Variants in PDE4D observed in about 807,000 individuals in gnomAD.
PDE4D encodes phosphodiesterase 4D, also known as 3',5'-cyclic-AMP phosphodiesterase 4D.
Under a neutral mutation model 87.4 loss-of-function variants are expected in PDE4D, and 24 were observed. The observed-to-expected ratio is 0.27, with a 90% CI of 0.20 to 0.39. The LOEUF (loss-of-function observed/expected upper bound fraction) is 0.39. PDE4D is among the 10% of genes least tolerant of loss of function. The probability of loss-of-function intolerance (pLI) is 1.00; values close to 1 mark genes in which losing one functional copy is unlikely to be tolerated. For synonymous variants in PDE4D, 384 were observed against 383.2 expected, an observed-to-expected ratio of 1.00 and a Z score of -0.02; for missense variants, 714 against 1,041.0, an observed-to-expected ratio of 0.69 and a Z score of 4.32.
At chr5:60,108,810 T>A (rs1355934565) in intron 2 of PDE4D, among the ~76,000 whole-genome samples, 2 of 152,118 alleles carry the variant, frequency 1.3e-5, no homozygotes, top group Non-Finnish European at 2.9e-5. Flanking sequence ...TAGCCCTATG[T>A]AGAAAGCTGA....
intron 1 of PDE4D, among the ~76,000 whole-genome samples, chr5:59,234,754 AG>A (rs1351299970): frequency 6.6e-6 from 1 of 152,200 alleles, no homozygotes; most frequent in Non-Finnish European, 1.5e-5. Flanking sequence ...GATAGATGTC[AG>A]TTTTTTAAAC....
Position 59,712,908 on chromosome 5 carries a change from T to G in PDE4D, c.455+180260A>C, listed in dbSNP as rs6883602. Among the ~76,000 whole-genome samples the G allele has an allele frequency of 6.9e-3, 1,057 of 152,226 alleles. 11 individuals are homozygous for G. Among genetic ancestry groups the G allele is most frequent in the East Asian group, 0.032 (165 of 5,168 alleles). On this transcript the variant is annotated intron_variant, in intron 1 of 14. Coordinates refer to ENST00000340635, the MANE Select transcript of PDE4D (RefSeq NM_001104631.2). ...ATAAGGTTGACAACTGTTTAAAGAA[T>G]TTTTGAGTGAATAGTCCAGTATAAA...
At chr5:60,353,762 T>C (rs1759384050) in intron 1 of PDE4D, among the ~76,000 whole-genome samples, 1 of 152,188 alleles carries the variant, frequency 6.6e-6, no homozygotes, top group African/African-American at 2.4e-5. Flanking sequence ...ATGTGTCATA[T>C]TAATATATTA....
At chr5:59,654,702 C>G (rs1296452856) in intron 1 of PDE4D, among the ~76,000 whole-genome samples, 2 of 151,478 alleles carry the variant, frequency 1.3e-5, no homozygotes, top group African/African-American at 4.9e-5. Context: ...TTTCAGTACA[C>G]CCCCCAAACC....
At chr5:59,093,950 T>A (rs1453570776) in intron 5 of PDE4D, among the ~76,000 whole-genome samples, 1 of 152,090 alleles carries the variant, frequency 6.6e-6, no homozygotes, top group Non-Finnish European at 1.5e-5. Context: ...CTGGGCATGT[T>A]GGCTCATGCC....
chr5:59,175,868 AG>A (rs1378502058), intron 5 of PDE4D, among the ~76,000 whole-genome samples: 9 of 147,200 alleles, frequency 6.1e-5, no homozygotes, highest in African/African-American at 2.3e-4. Flanking sequence ...GAGCTCAAGC[AG>A]TCCTCCCACC....
At chr5:59,971,255 C>T (rs1760723413) in intron 3 of PDE4D, among the ~76,000 whole-genome samples, 2 of 150,208 alleles carry the variant, frequency 1.3e-5, no homozygotes, top group South Asian at 4.2e-4. Flanking sequence ...ATACCTAATG[C>T]TAGATGACGA....
chr5:60,006,647 T>TA (rs1328305543), intron 2 of PDE4D, among the ~76,000 whole-genome samples: 7 of 151,980 alleles, frequency 4.6e-5, no homozygotes, highest in African/African-American at 1.7e-4. Context: ...ATAATGATGA[T>TA]ACAGGATATT....
chr5:59,969,856 A>T (rs1760503861), intron 3 of PDE4D, among the ~76,000 whole-genome samples: 1 of 152,182 alleles, frequency 6.6e-6, no homozygotes. Flanking sequence ...CTGTGAGTCA[A>T]TTAAACCTCT....
intron 1 of PDE4D, among the ~76,000 whole-genome samples, chr5:59,311,371 T>A (rs536031187): frequency 4.2e-4 from 63 of 151,668 alleles, no homozygotes; most frequent in African/African-American, 1.5e-3. Context: ...CTTGGTGGTA[T>A]GCATCTGTAG....
intron 1 of PDE4D, among the ~76,000 whole-genome samples, chr5:59,394,533 A>C (rs1788938316): frequency 6.6e-6 from 1 of 152,224 alleles, no homozygotes. Context: ...ATATATATGC[A>C]CTAGGAAATG....
chr5:59,625,908 G>A (rs143358247), intron 1 of PDE4D, among the ~76,000 whole-genome samples: 3,740 of 152,118 alleles, frequency 0.025, 156 homozygotes, highest in African/African-American at 0.085. Flanking sequence ...GTGAAACCCC[G>A]TCTCTACTAA....
intron 2 of PDE4D, among the ~76,000 whole-genome samples, chr5:60,047,926 CTT>C (rs1253940858): frequency 6.6e-6 from 1 of 152,020 alleles, no homozygotes; most frequent in African/African-American, 2.4e-5. Context: ...TCCTTGTTGA[CTT>C]TGTGTCTCGT....
chr5:60,457,942 A>G (rs1211205985), intron 1 of PDE4D, among the ~76,000 whole-genome samples: 1 of 152,206 alleles, frequency 6.6e-6, no homozygotes, highest in East Asian at 1.9e-4. Flanking sequence ...CAGTTAACAA[A>G]TATTTTCTTG....
Position 60,232,990 on chromosome 5 carries a change from G to T in PDE4D, c.-89-47303C>A, listed in dbSNP as rs79825611. 0.013 allele frequency among the ~76,000 whole-genome samples: 1,934 copies of T among 151,726 alleles called. 67 individuals are homozygous for T. In the East Asian group the frequency reaches 0.13, roughly 10 times the overall value. On this transcript the variant is annotated intron_variant, in intron 1 of 16. Coordinates refer to the PDE4D transcript ENST00000502484. ...AACATTACAGAAAAATTGGGGAGGGGTATTAAATAATCCCAATTATCCCTT... is the reference window on the plus strand; with the variant it reads ...AACATTACAGAAAAATTGGGGAGGGTTATTAAATAATCCCAATTATCCCTT...
chr5:59,296,082 A>C (rs1769032682), intron 1 of PDE4D, among the ~76,000 whole-genome samples: 1 of 152,094 alleles, frequency 6.6e-6, no homozygotes, highest in Non-Finnish European at 1.5e-5. Flanking sequence ...AATGAAAAAA[A>C]AAAATCTGAC....
intron 1 of PDE4D, among the ~76,000 whole-genome samples, chr5:60,326,556 C>T (rs1315648475): frequency 6.6e-6 from 1 of 152,052 alleles, no homozygotes; most frequent in Non-Finnish European, 1.5e-5. Context: ...TAAGGATGAA[C>T]AACCAGTCGA....
chr5:59,937,992 C>T (rs10064439), intron 3 of PDE4D, among the ~76,000 whole-genome samples: 30,836 of 152,138 alleles, frequency 0.2, 5,567 homozygotes, highest in African/African-American at 0.48. Context: ...TGTTTAACAA[C>T]GTGCTTTTAT....
At chr5:60,384,193 G>A (rs1022310147) in intron 1 of PDE4D, among the ~76,000 whole-genome samples, 1 of 152,092 alleles carries the variant, frequency 6.6e-6, no homozygotes, top group African/African-American at 2.4e-5. Context: ...TACCTAATTA[G>A]GTGAACAAAC....
Sources: allele counts gnomAD v4.1 joint callset (sites outside exome capture counted in the v4.1 genomes callset), GRCh38; gene constraint gnomAD v4.1.1; transcripts MANE v1.5; gene names NCBI Gene and HGNC (gene_info 2026-07-23, HGNC 2026-07-21).